The following ITGA9 variants were observed in gnomAD, a reference collection of about 807,000 sequenced individuals.
ITGA9 encodes integrin subunit alpha 9, also known as integrin alpha-9.
A neutral mutation model predicts 127.8 loss-of-function variants in ITGA9; 56 were observed. The observed-to-expected ratio is 0.44, with a 90% CI of 0.35 to 0.55. The LOEUF is 0.55. Ranked by LOEUF, ITGA9 falls within the 20% of genes least tolerant of loss-of-function variation. The pLI, the probability that ITGA9 is intolerant of heterozygous loss-of-function variation, is 0.00. For missense variants in ITGA9, 1,196 were observed against 1,347.1 expected, an observed-to-expected ratio of 0.89 and a Z score of 1.76; for synonymous variants, 508 against 514.5, an observed-to-expected ratio of 0.99 and a Z score of 0.17.
intron 1 of ITGA9, among the ~76,000 whole-genome samples, chr3:37,462,528 T>C (rs1698326245): frequency 6.6e-6 from 1 of 152,152 alleles, no homozygotes. Context: ...TTGTCCAAGG[T>C]TACCCAGCAA....
At chr3:37,728,379 T>A (rs1331653802) in intron 18 of ITGA9, among the ~76,000 whole-genome samples, 10 of 152,244 alleles carry the variant, frequency 6.6e-5, no homozygotes, top group Non-Finnish European at 1.5e-5. Context: ...ATTGATTTTT[T>A]AAATTGAATC....
intron 15 of ITGA9, among the ~76,000 whole-genome samples, chr3:37,560,952 G>T (rs528448730): frequency 2.0e-5 from 3 of 152,074 alleles, no homozygotes; most frequent in Admixed American, 1.3e-4. Context: ...CTGTGTCCCC[G>T]CATGGTCTTT....
chr3:37,545,850 A>G (rs1444313663), intron 15 of ITGA9, among the ~76,000 whole-genome samples: 1 of 151,906 alleles, frequency 6.6e-6, no homozygotes, highest in Non-Finnish European at 1.5e-5. Flanking sequence ...CTGCCACCAC[A>G]TCCCCTGGGC....
intron 5 of ITGA9, among the ~76,000 whole-genome samples, chr3:37,499,389 A>C (rs961158133): frequency 2.0e-5 from 3 of 152,116 alleles, no homozygotes; most frequent in Non-Finnish European, 4.4e-5. Flanking sequence ...CCACCTACAT[A>C]CCCCGGTTCC....
intron 15 of ITGA9, among the ~76,000 whole-genome samples, chr3:37,623,594 A>G (rs1700146754): frequency 6.6e-6 from 1 of 152,132 alleles, no homozygotes; most frequent in Non-Finnish European, 1.5e-5. Flanking sequence ...ATAACTTTAT[A>G]TATTTTTAAT....
At chr3:37,588,262 C>T (rs1260121146) in intron 15 of ITGA9, among the ~76,000 whole-genome samples, 2 of 152,226 alleles carry the variant, frequency 1.3e-5, no homozygotes, top group African/African-American at 2.4e-5. Flanking sequence ...TTTGATTTCT[C>T]AGGCCTCTCA....
At chr3:37,492,456 A>C (rs1247796802) in intron 4 of ITGA9, among the ~76,000 whole-genome samples, 1 of 152,234 alleles carries the variant, frequency 6.6e-6, no homozygotes, top group African/African-American at 2.4e-5. Flanking sequence ...CTGGGCCAGA[A>C]GTGGGGTATT....
chr3:37,607,602 A>G (rs1054153080), intron 15 of ITGA9, among the ~76,000 whole-genome samples: 16 of 152,190 alleles, frequency 1.1e-4, no homozygotes, highest in Non-Finnish European at 8.8e-5. Context: ...AAGAGGGAGT[A>G]ATTGACATTC....
At chr3:37,544,170 A>C (rs750467505) in intron 15 of ITGA9, among the ~76,000 whole-genome samples, 2 of 152,194 alleles carry the variant, frequency 1.3e-5, no homozygotes, top group African/African-American at 4.8e-5. Flanking sequence ...CTGAGAAGTT[A>C]TCCTTTGTTC....
intron 3 of ITGA9, among the ~76,000 whole-genome samples, chr3:37,479,034 C>G (rs1296030168): frequency 6.6e-6 from 1 of 152,158 alleles, no homozygotes; most frequent in Non-Finnish European, 1.5e-5. Context: ...CCCTCCAACT[C>G]AGAAATACAA....
chr3:37,631,267 T>C (rs763464633), intron 16 of ITGA9, among the ~76,000 whole-genome samples: 9 of 152,222 alleles, frequency 5.9e-5, no homozygotes, highest in Non-Finnish European at 1.2e-4. Flanking sequence ...CTTGCTAGCC[T>C]GGACATACTT....
chr3:37,789,661 C>T (rs112260902), intron 26 of ITGA9, among the ~76,000 whole-genome samples: 7,764 of 143,020 alleles, frequency 0.054, 284 homozygotes, highest in Non-Finnish European at 0.081. Context: ...CCCAGCTACT[C>T]GGGAGGCTGA....
Position 37,629,242 on chromosome 3 carries a change from G to A in ITGA9, c.1745G>A (p.Ser582Asn), listed in dbSNP as rs368804824. Residue 582 changes from serine to asparagine, a missense_variant, in exon 16 of 28, where the codon AGT (serine) becomes AAT (asparagine). Physicochemically the swap from Ser to Asn is conservative, Grantham distance 46 (BLOSUM62 1). Transcript: ENST00000264741. This position sits in a 1 kb window ranked among gnomAD's most constrained non-coding sequence, Gnocchi z 4.5. ...PIVFEAAYSL[S>N]EHVTGEEERE... Reference sequence around the variant, plus strand: ...GTGTTTGAAGCAGCCTACAGCCTCAGTGAGCATGTGACTGGAGAGGAGGAG... The same window carrying A: ...GTGTTTGAAGCAGCCTACAGCCTCAATGAGCATGTGACTGGAGAGGAGGAG... 2 of 1,613,862 alleles carry A rather than the reference G, an allele frequency of 1.2e-6. No homozygotes were observed. Among genetic ancestry groups the A allele is most frequent in the Non-Finnish European group, 1.7e-6 (2 of 1,179,968 alleles).
At chr3:37,788,395 C>T (rs184591339) in intron 26 of ITGA9, among the ~76,000 whole-genome samples, 271 of 152,222 alleles carry the variant, frequency 1.8e-3, no homozygotes, top group Non-Finnish European at 3.4e-3. Flanking sequence ...ATATTCTCAC[C>T]GGGCGCTTGT....
chr3:37,638,832 T>G (rs1700305654), intron 16 of ITGA9, among the ~76,000 whole-genome samples: 1 of 152,222 alleles, frequency 6.6e-6, no homozygotes, highest in African/African-American at 2.4e-5. Context: ...AACATGGAGA[T>G]AGTGACCAGT....
intron 16 of ITGA9, among the ~76,000 whole-genome samples, chr3:37,642,264 C>G (rs1575177871): frequency 6.6e-6 from 1 of 152,142 alleles, no homozygotes; most frequent in Non-Finnish European, 1.5e-5. Context: ...CTATTTGATT[C>G]CTTCGTGACA....
chr3:37,518,507 G>A (rs2125579932), intron 10 of ITGA9, among the ~76,000 whole-genome samples: 1 of 152,268 alleles, frequency 6.6e-6, no homozygotes, highest in South Asian at 2.1e-4. Flanking sequence ...TGTGTGAAGT[G>A]AATGCCCTTC....
intron 1 of ITGA9, among the ~76,000 whole-genome samples, chr3:37,464,419 C>T (rs1336592574): frequency 6.6e-6 from 1 of 152,056 alleles, no homozygotes; most frequent in Non-Finnish European, 1.5e-5. Flanking sequence ...TACTACTGCC[C>T]AGCAGTCTAA....
chr3:37,473,521 T>G lies in ITGA9; in HGVS notation c.420+61T>G. The G allele has an allele frequency of 3.2e-6, 4 of 1,263,284 alleles. No homozygotes were observed. In the South Asian group the frequency reaches 4.9e-5, roughly 16 times the overall value. 78.3% of individuals were successfully genotyped at this position (1,263,284 alleles called of 1,614,324 possible). A position where few individuals can be genotyped will look rare whatever the true frequency, so the allele number is the denominator to read the frequency against. On this transcript the variant is annotated intron_variant, in intron 3 of 27. Coordinates refer to ENST00000264741, the MANE Select transcript of ITGA9 (RefSeq NM_002207.3). ...GGCACTCTGAGAATGAATGATCTGTTAGGAAGGCTGGATGGCATGGTGACA... is the reference window on the plus strand; with the variant it reads ...GGCACTCTGAGAATGAATGATCTGTGAGGAAGGCTGGATGGCATGGTGACA...
Sources: allele counts gnomAD v4.1 joint callset (sites outside exome capture counted in the v4.1 genomes callset), GRCh38; gene constraint gnomAD v4.1.1; non-coding constraint Gnocchi (gnomAD v3.1); transcripts MANE v1.5; gene names NCBI Gene and HGNC (gene_info 2026-07-23, HGNC 2026-07-21).